Variants in EZH2 observed in about 807,000 individuals in gnomAD.
The protein encoded by EZH2 is histone-lysine N-methyltransferase EZH2.
EZH2 carries 18 observed loss-of-function variants against 98.4 expected under a neutral mutation model. The ratio of observed to expected loss-of-function variants is 0.18; its 90% confidence interval spans 0.13 to 0.27. The LOEUF is 0.27. Among genes scored for constraint, EZH2 ranks in the 10% least tolerant of loss-of-function variants. The probability of loss-of-function intolerance (pLI) is 1.00; values close to 1 mark genes in which losing one functional copy is unlikely to be tolerated. For synonymous variants in EZH2, 338 were observed against 312.3 expected (o/e 1.08, Z -0.87); for missense variants, 470 against 935.1 (o/e 0.50, Z 6.49).
chr7:148,807,667 T>C lies in EZH2; in HGVS notation c.2235A>G (p.Glu745=). Residue 745 remains glutamate, a synonymous_variant, in exon 20 of 20, where the codon GAA becomes GAG. Transcript: ENST00000320356. ...GATGTCAAGGGATTTCCATTTCTCT[T>C]TCGATGCCGACATACTTCAGGGCAT... The part of the protein sequence containing the change: ...QADALKYVGI[E]REMEIP The C allele has an allele frequency of 6.3e-7, 1 of 1,598,452 alleles. No homozygotes were observed. Among genetic ancestry groups the C allele is most frequent in the African/African-American group, 1.3e-5 (1 of 74,796 alleles).
At position 148,829,791 on chromosome 7, in the gene EZH2, G is replaced by C. The variant is rs2129476967; in HGVS notation, c.421C>G (p.Gln141Glu). 1 of 1,606,494 alleles carries C rather than the reference G, an allele frequency of 6.2e-7. No homozygotes were observed. The highest frequency in any genetic ancestry group is 1.7e-5 in the Admixed American group (1 of 59,330). Reference sequence around the variant, plus strand: ...AGTTCTTCAATGAAAGTACCATCCTGATCTAAAACTTCATCTCCCATATAA... The same window carrying C: ...AGTTCTTCAATGAAAGTACCATCCTCATCTAAAACTTCATCTCCCATATAA... ...IPYMGDEVLD[Q>E]DGTFIEELIK... Residue 141 changes from glutamine to glutamate, a missense_variant, in exon 5 of 20, where the codon CAG (glutamine) becomes GAG (glutamate). By Grantham distance (29) the Gln-to-Glu change is conservative. This residue lies in a region of EZH2 where 21 missense variants were observed against 84.2 expected (regional missense o/e 0.25). Transcript: ENST00000320356.
intron 11 of EZH2, 25 bp from the exon 12 acceptor site, chr7:148,816,803 C>G (rs200753763): frequency 1.3e-6 from 2 of 1,557,380 alleles, no homozygotes. Flanking sequence ...AGTCACAGAG[C>G]CATGAGGACA....
intron 15 of EZH2, among the ~76,000 whole-genome samples, chr7:148,812,449 C>A (rs140538359): frequency 4.3e-4 from 66 of 152,292 alleles, no homozygotes; most frequent in African/African-American, 1.6e-3. Flanking sequence ...GTGACCTTTA[C>A]AAAGGCTTCC....
chr7:148,822,778 C>T (rs1288380070), intron 8 of EZH2, among the ~76,000 whole-genome samples: 2 of 151,852 alleles, frequency 1.3e-5, no homozygotes, highest in Non-Finnish European at 1.5e-5. Flanking sequence ...CCTGTTTCTA[C>T]TAAAAATAAA....
At chr7:148,852,597 C>G (rs1816034009) in intron 1 of EZH2, among the ~76,000 whole-genome samples, 1 of 152,176 alleles carries the variant, frequency 6.6e-6, no homozygotes, top group South Asian at 2.1e-4. Flanking sequence ...CTCTTCTCCC[C>G]TTAGGTCTAA....
intron 8 of EZH2, among the ~76,000 whole-genome samples, chr7:148,824,314 CAA>C (rs35218853): frequency 4.7e-4 from 62 of 132,338 alleles, no homozygotes; most frequent in South Asian, 5.0e-4. Flanking sequence ...GACTTCGTCT[CAA>C]AAAAAAAAAA....
intron 8 of EZH2, among the ~76,000 whole-genome samples, chr7:148,821,669 A>G (rs1806129841): frequency 1.3e-5 from 2 of 152,184 alleles, no homozygotes; most frequent in Admixed American, 1.3e-4. Flanking sequence ...AAAAAAAGAA[A>G]AAGAAAACTA....
At chr7:148,832,579 T>G in intron 4 of EZH2, 55 bp downstream of exon 4, 1 of 973,344 alleles carries the variant, frequency 1.0e-6, no homozygotes, top group South Asian at 1.6e-5. Flanking sequence ...TATCTATGCT[T>G]TTTTACTTCA....
In EZH2 at chr7:148,807,894, G is replaced by C. The variant is rs76153204; in HGVS notation, c.2196-188C>G. Reference sequence around the variant, plus strand: ...CACATTCATAGAAGGCAATGCATAGGTCTGTGTTGCTGGCCATCTAATTGA... The same window carrying C: ...CACATTCATAGAAGGCAATGCATAGCTCTGTGTTGCTGGCCATCTAATTGA... On this transcript the variant is annotated intron_variant, in intron 19 of 19. Transcript: ENST00000320356. 3.1e-3 allele frequency among the ~76,000 whole-genome samples: 466 copies of C among 151,504 alleles called. 2 individuals are homozygous for C. The highest frequency in any genetic ancestry group is 0.011 in the African/African-American group (438 of 41,240).
intron 3 of EZH2, among the ~76,000 whole-genome samples, chr7:148,833,089 A>C (rs1809831373): frequency 6.6e-6 from 1 of 152,180 alleles, no homozygotes; most frequent in South Asian, 2.1e-4. Context: ...CTCATCCTTC[A>C]TTTCTCTTAC....
At chr7:148,834,376 C>T (rs1472129039) in intron 3 of EZH2, among the ~76,000 whole-genome samples, 3 of 138,880 alleles carry the variant, frequency 2.2e-5, no homozygotes, top group African/African-American at 8.5e-5. Flanking sequence ...CACACACACA[C>T]ACACACATAT....
intron 1 of EZH2, among the ~76,000 whole-genome samples, chr7:148,850,018 T>C (rs977626534): frequency 2.0e-5 from 3 of 152,106 alleles, no homozygotes; most frequent in African/African-American, 7.2e-5. Context: ...GTGGGTGTTA[T>C]TACAATTTCT....
At chr7:148,832,835 T>C in intron 3 of EZH2, 85 bp from the exon 4 acceptor site, 1 of 739,022 alleles carries the variant, frequency 1.4e-6, no homozygotes, top group Non-Finnish European at 2.2e-6. Flanking sequence ...AGATGCTGCC[T>C]ACCCAAATAT....
chr7:148,881,212 T>C (rs746920672), intron 1 of EZH2, among the ~76,000 whole-genome samples: 2 of 152,214 alleles, frequency 1.3e-5, no homozygotes, highest in African/African-American at 2.4e-5. Flanking sequence ...TTTGTCCTTG[T>C]TGGTTTTTAA....
intron 13 of EZH2, 103 bp downstream of exon 13, chr7:148,815,403 A>G: frequency 1.6e-6 from 2 of 1,215,160 alleles, no homozygotes; most frequent in Non-Finnish European, 2.4e-6. Flanking sequence ...GAAGGCAATT[A>G]TATTAGAATA....
At chr7:148,859,750 T>C (rs1393266939) in intron 1 of EZH2, among the ~76,000 whole-genome samples, 1 of 152,190 alleles carries the variant, frequency 6.6e-6, no homozygotes. Flanking sequence ...AAGAGCATGT[T>C]TTCTGGTAAA....
chr7:148,845,443 C>G (rs952691192), intron 3 of EZH2, among the ~76,000 whole-genome samples: 1 of 152,134 alleles, frequency 6.6e-6, no homozygotes. Context: ...CCTAACAAAA[C>G]GCATAAATGA....
intron 7 of EZH2, 40 bp from the exon 8 acceptor site, chr7:148,826,672 A>G: frequency 7.1e-7 from 1 of 1,414,324 alleles, no homozygotes; most frequent in Non-Finnish European, 9.3e-7. Flanking sequence ...ACATGAAACA[A>G]AAATCACTTT....
chr7:148,847,117 A>C (rs1017202525), intron 2 of EZH2, 65 bp downstream of exon 2: 2 of 1,531,546 alleles, frequency 1.3e-6, no homozygotes, highest in African/African-American at 2.8e-5. Flanking sequence ...AAACTTATTG[A>C]ACTTAGGAGG....
Sources: allele counts gnomAD v4.1 joint callset (sites outside exome capture counted in the v4.1 genomes callset), GRCh38; gene constraint gnomAD v4.1.1; regional missense constraint gnomAD v4.1.1; transcripts MANE v1.5; gene names NCBI Gene and HGNC (gene_info 2026-07-23, HGNC 2026-07-21).